Variants in PHACTR2 observed in about 807,000 individuals in gnomAD.
PHACTR2 encodes chromosome 6 open reading frame 56.
Under a neutral mutation model 76.0 loss-of-function variants are expected in PHACTR2, and 30 were observed. The observed-to-expected ratio is 0.39, with a 90% CI of 0.30 to 0.54. The LOEUF is 0.54. Among genes scored for constraint, PHACTR2 ranks in the 20% least tolerant of loss-of-function variants. The pLI is 0.61. For missense variants in PHACTR2, 696 were observed against 781.1 expected, an observed-to-expected ratio of 0.89 and a Z score of 1.30; for synonymous variants, 292 against 292.5, an observed-to-expected ratio of 1.00 and a Z score of 0.02.
At position 143,678,175 on chromosome 6, in the gene PHACTR2, C is replaced by T. The variant is rs1325381632; in HGVS notation, c.12C>T (p.Thr4=). Residue 4 remains threonine (T), a synonymous_variant, in exon 1 of 13, where the codon ACC becomes ACT. Transcript: ENST00000440869. This position sits in a 1 kb window ranked among gnomAD's most constrained non-coding sequence, Gnocchi z 6.2. ...CTGCGACCCCAGTCATGGGCCAGAC[C>T]TCGGTGTCCACGCTGTCCCCGCAGC... MGQ[T]SVSTLSPQPG... is the part of the protein sequence containing the mutation. 6.5e-7 allele frequency: 1 copy of T among 1,541,800 alleles called. No homozygotes were observed. The highest frequency in any genetic ancestry group is 1.2e-5 in the South Asian group (1 of 83,768).
Position 143,568,878 on chromosome 6 carries a change from T to C in PHACTR2, c.217+31671T>C, listed in dbSNP as rs73586278. On this transcript the variant is annotated intron_variant, in intron 1 of 11. Transcript: ENST00000367584. ...TACTTTCCTCTTATTATTGAGCTGGTGATTCCAGTATTTCCACGGAATAGT... is the reference window on the plus strand; with the variant it reads ...TACTTTCCTCTTATTATTGAGCTGGCGATTCCAGTATTTCCACGGAATAGT... Among the ~76,000 whole-genome samples, 375 of 152,356 alleles carry C rather than the reference T, an allele frequency of 2.5e-3. 2 individuals carry two copies. The highest frequency in any genetic ancestry group is 8.8e-3 in the African/African-American group (366 of 41,578).
At chr6:143,768,195 A>T (rs1438927312) in intron 6 of PHACTR2, among the ~76,000 whole-genome samples, 1 of 152,214 alleles carries the variant, frequency 6.6e-6, no homozygotes, top group East Asian at 1.9e-4. Flanking sequence ...GAGCATTCTT[A>T]ATACTTCCAG....
At chr6:143,606,047 T>C (rs576372155), upstream of PHACTR2, among the ~76,000 whole-genome samples, 1 of 152,162 alleles carries the variant, frequency 6.6e-6, no homozygotes, top group East Asian at 1.9e-4. Context: ...TGTTTCAGAA[T>C]TCAGAATTTT....
intron 1 of PHACTR2, among the ~76,000 whole-genome samples, chr6:143,588,012 C>CTAAAATAAAATAAAA (rs56155115): frequency 0.12 from 17,113 of 137,530 alleles, 1,263 homozygotes; most frequent in Middle Eastern, 0.15. Context: ...AACTCTGTCT[C>CTAAAATAAAATAAAA]TAAAATAAAA....
rs139140558 is a variant in PHACTR2, at chr6:143,782,338, G to A, written c.1646-881G>A. 1.1e-3 allele frequency among the ~76,000 whole-genome samples: 169 copies of A among 152,254 alleles called. 1 individual carries two copies. The highest frequency in any genetic ancestry group is 3.6e-3 in the African/African-American group (150 of 41,554). On this transcript the variant is annotated intron_variant, in intron 9 of 12. Coordinates refer to ENST00000440869, the MANE Select transcript of PHACTR2 (RefSeq NM_001100164.2). This position sits in a 1 kb window ranked among gnomAD's most constrained non-coding sequence, Gnocchi z 4.6. ...TTTTCCTGCAAAAGAGTTCATAATA[G>A]CACTTTCTAAAACATAATCTTTCAT...
At chr6:143,644,457 G>T (rs180836218) in intron 1 of PHACTR2, among the ~76,000 whole-genome samples, 154 of 101,286 alleles carry the variant, frequency 1.5e-3, no homozygotes, top group African/African-American at 6.1e-3. Context: ...GACAGAGTGG[G>T]ACTCCATCTC....
Position 143,830,320 on chromosome 6 carries a change from A to G in PHACTR2, c.*6631A>G, listed in dbSNP as rs955848613. 4 of 151,284 alleles carry G rather than the reference A, an allele frequency of 2.6e-5. No homozygotes were observed. Among genetic ancestry groups the G allele is most frequent in the African/African-American group, 9.7e-5 (4 of 41,170 alleles). 9.4% of individuals were successfully genotyped at this position (151,284 alleles called of 1,614,324 possible). A position where few individuals can be genotyped will look rare whatever the true frequency, so the allele number is the denominator to read the frequency against. ...TTTTCTGTGTAACAGGGATTTTTAA[A>G]TAACGGACTATATGCATTCTTTTGT... On this transcript the variant is annotated 3_prime_UTR_variant, in exon 13 of 13. Coordinates refer to ENST00000440869, the MANE Select transcript of PHACTR2 (RefSeq NM_001100164.2).
In PHACTR2 at chr6:143,828,525, T is replaced by C. The variant is rs1211211892; in HGVS notation, c.*4836T>C. On this transcript the variant is annotated 3_prime_UTR_variant, in exon 13 of 13. Transcript: ENST00000440869. The surrounding 1 kb of genome is among the most constrained non-coding windows in gnomAD (Gnocchi z 4.7). ...TATCATCCCAAATTTAAAAATCCTATTGTATATGTTGTAAAATTTCTGGCA... is the reference window on the plus strand; with the variant it reads ...TATCATCCCAAATTTAAAAATCCTACTGTATATGTTGTAAAATTTCTGGCA... The C allele has an allele frequency of 1.3e-5, 2 of 152,188 alleles. No homozygotes were observed. The highest frequency in any genetic ancestry group is 2.9e-5 in the Non-Finnish European group (2 of 68,020). The allele number at this position is 152,188 out of a possible 1,614,324, so 9.4% of individuals were successfully genotyped here.
At chr6:143,707,800 C>T (rs906032551) in intron 1 of PHACTR2, among the ~76,000 whole-genome samples, 1 of 152,230 alleles carries the variant, frequency 6.6e-6, no homozygotes, top group East Asian at 1.9e-4. Flanking sequence ...TTAATTGGCT[C>T]ATAGTTCTGC....
At chr6:143,714,839 A>T (rs1363615568) in intron 2 of PHACTR2, among the ~76,000 whole-genome samples, 1 of 152,004 alleles carries the variant, frequency 6.6e-6, no homozygotes, top group Non-Finnish European at 1.5e-5. Context: ...CCCCTACATA[A>T]TCATTTTTTC....
At chr6:143,773,168 G>A (rs190566740) in intron 7 of PHACTR2, among the ~76,000 whole-genome samples, 6 of 152,066 alleles carry the variant, frequency 3.9e-5, no homozygotes, top group African/African-American at 7.2e-5. Flanking sequence ...AGCTGAGATC[G>A]CGCCACTGCA....
rs34747367 is a variant in PHACTR2, at chr6:143,584,980, TAAAAA to T, written c.217+47786_217+47790del. On this transcript the variant is annotated intron_variant, in intron 1 of 11. Coordinates refer to the PHACTR2 transcript ENST00000367584. ...AGACCCTGGCTGGTCCTACCCAGAT[TAAAAA>T]AAAAAAAAAAAAGCTATAGGCTTGG... is the stretch of plus-strand genomic sequence containing the variant. Among the ~76,000 whole-genome samples, 996 of 138,516 alleles carry T rather than the reference TAAAAA, an allele frequency of 7.2e-3. 14 individuals are homozygous for T. Among genetic ancestry groups the T allele is most frequent in the African/African-American group, 0.023 (844 of 37,282 alleles). 90.9% of individuals were successfully genotyped at this position (138,516 alleles called of 152,430 possible). A position where few individuals can be genotyped will look rare whatever the true frequency, so the allele number is the denominator to read the frequency against.
rs1776148363 is a variant in PHACTR2 at position 143,621,316 on chromosome 6, C to G, written c.13+12994C>G. Among the ~76,000 whole-genome samples the G allele has an allele frequency of 6.6e-6, 1 of 152,152 alleles. No individual in the cohort carries two copies. Among genetic ancestry groups the G allele is most frequent in the African/African-American group, 2.4e-5 (1 of 41,428 alleles). ...TGGTGTGAATTGACAACAAAGAAAACTCAGGAGGGCGCGAATGAGTTCCTG... is the reference window on the plus strand; with the variant it reads ...TGGTGTGAATTGACAACAAAGAAAAGTCAGGAGGGCGCGAATGAGTTCCTG... On this transcript the variant is annotated intron_variant, in intron 1 of 11. Transcript: ENST00000305766. This position sits in a 1 kb window ranked among gnomAD's most constrained non-coding sequence, Gnocchi z 4.1.
At chr6:143,545,410 T>C (rs1315708286) in intron 1 of PHACTR2, among the ~76,000 whole-genome samples, 1 of 152,234 alleles carries the variant, frequency 6.6e-6, no homozygotes. Flanking sequence ...ACGGGGACTC[T>C]GCAGCCTCCT....
At position 143,678,155 on chromosome 6, in the gene PHACTR2, AC is replaced by A; in HGVS notation, c.-5del. Reference sequence around the variant, plus strand: ...CTTGATCGCTGGACCTGGCCCTGCGACCCCAGTCATGGGCCAGACCTCGGTG... The same window carrying A: ...CTTGATCGCTGGACCTGGCCCTGCGACCCAGTCATGGGCCAGACCTCGGTG... On this transcript the variant is annotated 5_prime_UTR_variant, in exon 1 of 13. Coordinates refer to ENST00000440869, the MANE Select transcript of PHACTR2 (RefSeq NM_001100164.2). The surrounding 1 kb of genome is among the most constrained non-coding windows in gnomAD (Gnocchi z 6.2). 6.5e-7 allele frequency: 1 copy of A among 1,544,166 alleles called. No homozygotes were observed. Among genetic ancestry groups the A allele is most frequent in the African/African-American group, 1.4e-5 (1 of 72,026 alleles).
At chr6:143,810,262 CT>C (rs1776148008) in intron 12 of PHACTR2, among the ~76,000 whole-genome samples, 1 of 152,032 alleles carries the variant, frequency 6.6e-6, no homozygotes, top group Non-Finnish European at 1.5e-5. Context: ...ACAATGTTGC[CT>C]TGACTTTCTT....
Position 143,780,716 on chromosome 6 carries a change from TG to T in PHACTR2, c.1646-2502del, listed in dbSNP as rs1379406480. ...GTATTATTTGTTTATTTATCGGAAA[TG>T]CTTCTTGCGGGTCGTCCGAAATGTT... is the stretch of plus-strand genomic sequence containing the variant. On this transcript the variant is annotated intron_variant, in intron 9 of 12. Transcript: ENST00000440869. The surrounding 1 kb of genome is among the most constrained non-coding windows in gnomAD (Gnocchi z 4.4). Among the ~76,000 whole-genome samples, 1 of 152,220 alleles carries T rather than the reference TG, an allele frequency of 6.6e-6. No homozygotes were observed. The highest frequency in any genetic ancestry group is 1.5e-5 in the Non-Finnish European group (1 of 68,044).
chr6:143,790,412 A>G (rs949462849), intron 11 of PHACTR2, among the ~76,000 whole-genome samples: 1 of 152,198 alleles, frequency 6.6e-6, no homozygotes. Flanking sequence ...CTTATGTGAA[A>G]GAGGCAAGGA....
rs148577006 is a variant in PHACTR2, at chr6:143,740,974, C to T, written c.215-8011C>T. 1.8e-4 allele frequency among the ~76,000 whole-genome samples: 27 copies of T among 152,328 alleles called. No homozygotes were observed. The East Asian group carries it at 4.1e-3, about 23-fold the overall frequency. On this transcript the variant is annotated intron_variant, in intron 2 of 12. Transcript: ENST00000440869. Reference sequence around the variant, plus strand: ...AAATAAAAATAATTGCTTAGCTGAGCGCAGTGGCTCACGCCTGTCATCCCA... The same window carrying T: ...AAATAAAAATAATTGCTTAGCTGAGTGCAGTGGCTCACGCCTGTCATCCCA...
Sources: allele counts gnomAD v4.1 joint callset (sites outside exome capture counted in the v4.1 genomes callset), GRCh38; gene constraint gnomAD v4.1.1; non-coding constraint Gnocchi (gnomAD v3.1); transcripts MANE v1.5; gene names NCBI Gene and HGNC (gene_info 2026-07-23, HGNC 2026-07-21).